Variants in RPS6KA2 observed in about 807,000 individuals in gnomAD.
RPS6KA2 encodes the protein ribosomal protein S6 kinase A2, also known as ribosomal protein S6 kinase alpha-2.
A neutral mutation model predicts 91.8 loss-of-function variants in RPS6KA2; 42 were observed. That is an observed-to-expected ratio of 0.46 (90% CI 0.36 to 0.59). The LOEUF is 0.59. RPS6KA2 is among the 20% of genes least tolerant of loss of function. RPS6KA2 has a pLI of 0.00. For synonymous variants in RPS6KA2, 414 were observed against 393.6 expected, an observed-to-expected ratio of 1.05 and a Z score of -0.61; for missense variants, 798 against 978.5, an observed-to-expected ratio of 0.82 and a Z score of 2.46.
intron 1 of RPS6KA2, among the ~76,000 whole-genome samples, chr6:166,578,015 T>C (rs1316670880): frequency 2.0e-5 from 3 of 152,184 alleles, no homozygotes; most frequent in Admixed American, 6.5e-5. Flanking sequence ...TTTGCTTCTT[T>C]CTCATTTTCT....
At position 166,435,513 on chromosome 6, in the gene RPS6KA2, AC is replaced by A. The variant is rs1381886798; in HGVS notation, c.1333-3024del. On this transcript the variant is annotated intron_variant, in intron 14 of 20. Transcript: ENST00000265678. The surrounding 1 kb of genome is among the most constrained non-coding windows in gnomAD (Gnocchi z 4.3). ...TGGAACCCCCAAAGCACCTCTGTCA[AC>A]AACCAAACACCACACACCAGCTGTT... Among the ~76,000 whole-genome samples the A allele has an allele frequency of 6.6e-6, 1 of 152,240 alleles. No homozygotes were observed. The highest frequency in any genetic ancestry group is 1.5e-5 in the Non-Finnish European group (1 of 68,040).
intron 1 of RPS6KA2, among the ~76,000 whole-genome samples, chr6:166,616,815 C>T (rs1786433695): frequency 6.6e-6 from 1 of 152,218 alleles, no homozygotes; most frequent in Admixed American, 6.5e-5. Flanking sequence ...CACTGTGGTG[C>T]CCATGGGGGG....
intron 1 of RPS6KA2, among the ~76,000 whole-genome samples, chr6:166,606,376 T>C (rs900496144): frequency 1.6e-4 from 24 of 152,358 alleles, no homozygotes; most frequent in African/African-American, 5.5e-4. Flanking sequence ...GCACCTGGCA[T>C]GGTGAATTTA....
intron 10 of RPS6KA2, among the ~76,000 whole-genome samples, chr6:166,483,557 C>T (rs891021258): frequency 2.6e-5 from 4 of 152,324 alleles, no homozygotes; most frequent in African/African-American, 7.2e-5. Context: ...CCAAAAATGT[C>T]GTGCTAACGA....
intron 2 of RPS6KA2, among the ~76,000 whole-genome samples, chr6:166,810,572 T>A (rs1033610540): frequency 2.0e-5 from 3 of 152,190 alleles, no homozygotes; most frequent in African/African-American, 7.2e-5. Context: ...CGGTAATCAA[T>A]GGCATCACCT....
At chr6:166,649,727 G>A (rs577556422) in intron 2 of RPS6KA2, among the ~76,000 whole-genome samples, 1 of 152,230 alleles carries the variant, frequency 6.6e-6, no homozygotes, top group African/African-American at 2.4e-5. Flanking sequence ...TGTAGACCCA[G>A]TGAGCTGAAG....
chr6:166,766,813 A>G (rs1358008958), intron 2 of RPS6KA2, among the ~76,000 whole-genome samples: 1 of 152,242 alleles, frequency 6.6e-6, no homozygotes, highest in East Asian at 1.9e-4. Flanking sequence ...ACGCAGAAGC[A>G]CAGAGGTTGC....
At chr6:166,446,876 A>G (rs987951610) in intron 14 of RPS6KA2, among the ~76,000 whole-genome samples, 10 of 152,194 alleles carry the variant, frequency 6.6e-5, no homozygotes, top group African/African-American at 9.7e-5. Flanking sequence ...TCCTGTGAGC[A>G]ATGACTCAGG....
chr6:166,745,417 G>T (rs896193297), intron 2 of RPS6KA2, among the ~76,000 whole-genome samples: 6 of 152,142 alleles, frequency 3.9e-5, no homozygotes, highest in African/African-American at 1.2e-4. Context: ...CTCCCAAAGT[G>T]TTGGGATTCC....
At chr6:166,758,330 A>G (rs1263305518) in intron 2 of RPS6KA2, among the ~76,000 whole-genome samples, 2 of 152,190 alleles carry the variant, frequency 1.3e-5, no homozygotes, top group African/African-American at 4.8e-5. Flanking sequence ...TCTCTCTACA[A>G]GCTTTTCCCG....
Position 166,493,525 on chromosome 6 carries a change from G to T in RPS6KA2, c.748-2784C>A, listed in dbSNP as rs571485881. Among the ~76,000 whole-genome samples the T allele has an allele frequency of 7.2e-4, 109 of 152,164 alleles. No individual in the cohort carries two copies. The highest frequency in any genetic ancestry group is 2.5e-3 in the African/African-American group (102 of 41,516). On this transcript the variant is annotated intron_variant, in intron 8 of 20. Transcript: ENST00000265678. The surrounding 1 kb of genome is among the most constrained non-coding windows in gnomAD (Gnocchi z 4.7). Reference sequence around the variant, plus strand: ...CTGAGAAAAGCCGAGGTTCATCTTGGGGTTCCCACAGTCAAGTACACGCAC... The same window carrying T: ...CTGAGAAAAGCCGAGGTTCATCTTGTGGTTCCCACAGTCAAGTACACGCAC...
At chr6:166,837,855 C>T (rs1373597951) in intron 2 of RPS6KA2, among the ~76,000 whole-genome samples, 19 of 152,260 alleles carry the variant, frequency 1.2e-4, no homozygotes, top group Non-Finnish European at 2.9e-5. Context: ...TTTTGTTTTA[C>T]TTGGTTGGTT....
chr6:166,837,332 G>A (rs1277207663), intron 2 of RPS6KA2, among the ~76,000 whole-genome samples: 1 of 152,146 alleles, frequency 6.6e-6, no homozygotes, highest in Non-Finnish European at 1.5e-5. Flanking sequence ...CCCTTCCCTG[G>A]GCCAGAGGCC....
At chr6:166,609,798 C>A (rs753814665) in intron 1 of RPS6KA2, among the ~76,000 whole-genome samples, 1 of 152,028 alleles carries the variant, frequency 6.6e-6, no homozygotes, top group South Asian at 2.1e-4. Context: ...CCGTGCCTGG[C>A]GTAAAAGTTT....
chr6:166,792,285 C>T (rs1042955126), intron 2 of RPS6KA2, among the ~76,000 whole-genome samples: 12 of 152,178 alleles, frequency 7.9e-5, no homozygotes, highest in East Asian at 1.9e-4. Flanking sequence ...ACACATACAC[C>T]GACCCAAGAC....
At position 166,626,079 on chromosome 6, in the gene RPS6KA2, C is replaced by T. The variant is rs759230879; in HGVS notation, c.99+842G>A. On this transcript the variant is annotated intron_variant, in intron 1 of 20. Transcript: ENST00000265678. This position sits in a 1 kb window ranked among gnomAD's most constrained non-coding sequence, Gnocchi z 4.1. Reference sequence around the variant, plus strand: ...CAGTGTCAGGCGAAATCTTTGGGTCCCAGCCTCAGTCTCCCCATCACCATG... The same window carrying T: ...CAGTGTCAGGCGAAATCTTTGGGTCTCAGCCTCAGTCTCCCCATCACCATG... Among the ~76,000 whole-genome samples, 1 of 152,210 alleles carries T rather than the reference C, an allele frequency of 6.6e-6. No homozygotes were observed. The highest frequency in any genetic ancestry group is 1.5e-5 in the Non-Finnish European group (1 of 68,038).
At chr6:166,499,969 C>T (rs1023516471) in intron 7 of RPS6KA2, among the ~76,000 whole-genome samples, 1 of 152,198 alleles carries the variant, frequency 6.6e-6, no homozygotes, top group African/African-American at 2.4e-5. Flanking sequence ...GGGGATGACC[C>T]TGGATTTCTG....
At chr6:166,669,814 G>A (rs1788420369) in intron 2 of RPS6KA2, among the ~76,000 whole-genome samples, 1 of 152,204 alleles carries the variant, frequency 6.6e-6, no homozygotes, top group South Asian at 2.1e-4. Context: ...ATTCCTCACT[G>A]GTGATTCCTA....
At chr6:166,824,384 C>G (rs962287457) in intron 2 of RPS6KA2, among the ~76,000 whole-genome samples, 1 of 152,352 alleles carries the variant, frequency 6.6e-6, no homozygotes, top group East Asian at 1.9e-4. Flanking sequence ...CCGGCACTGC[C>G]TCAGCAGGTG....
Sources: gnomAD v4.1 joint callset for allele counts (sites outside exome capture counted in the v4.1 genomes callset) on GRCh38, gnomAD v4.1.1 for gene constraint, Gnocchi (gnomAD v3.1) non-coding constraint, MANE v1.5 for transcripts, NCBI Gene and HGNC (gene_info 2026-07-23, HGNC 2026-07-21) for gene names.